Variants in C1QTNF3 observed in about 807,000 individuals in gnomAD.
C1QTNF3 encodes the protein C1q and TNF related 3.
C1QTNF3 carries 26 observed loss-of-function variants against 32.6 expected under a neutral mutation model. That is an observed-to-expected ratio of 0.80 (90% CI 0.58 to 1.11). The LOEUF is 1.11. C1QTNF3 is among the 50% of genes least tolerant of loss of function. The pLI, the probability that C1QTNF3 is intolerant of heterozygous loss-of-function variation, is 0.00. For missense variants in C1QTNF3, 362 were observed against 398.2 expected (o/e 0.91, Z 0.77); for synonymous variants, 155 against 146.0 (o/e 1.06, Z -0.44).
intron 4 of C1QTNF3, 112 bp from the exon 5 acceptor site, chr5:34,024,120 TGTAGTATG>T: frequency 1.3e-6 from 1 of 743,988 alleles, no homozygotes; most frequent in East Asian, 2.7e-5. Flanking sequence ...TGATATTCTT[TGTAGTATG>T]GTGTCTCTCC....
At position 34,042,911 on chromosome 5, in the gene C1QTNF3, G is replaced by C; in HGVS notation, c.215C>G (p.Thr72Ser). Residue 72 changes from threonine to serine, a missense_variant, in exon 1 of 6, where the codon ACT becomes AGT. Transcript: ENST00000382065. ...HPKTGTVDNNTSTDLKSLRPD... is the reference protein window; with the variant it reads ...HPKTGTVDNNSSTDLKSLRPD... The stretch of plus-strand genomic sequence containing the variant: ...TCTCAGGGATTTTAGGTCTGTAGAA[G>C]TGTTATTATCCACAGTCCCAGTTTT... 2 of 1,614,148 alleles carry C rather than the reference G, an allele frequency of 1.2e-6. No individual in the cohort carries two copies. Among genetic ancestry groups the C allele is most frequent in the Non-Finnish European group, 1.7e-6 (2 of 1,180,012 alleles).
the C1QTNF3 span, among the ~76,000 whole-genome samples, chr5:34,239,925 T>A: frequency 6.6e-6 from 1 of 151,914 alleles, no homozygotes; most frequent in Non-Finnish European, 1.5e-5. Flanking sequence ...AATGAAATCA[T>A]ATCAAGCACA....
At chr5:34,169,423 T>C in the C1QTNF3 span, among the ~76,000 whole-genome samples, 4 of 152,054 alleles carry the variant, frequency 2.6e-5, no homozygotes, top group South Asian at 4.1e-4. Context: ...TTTGAAGAAA[T>C]GTCTGTTCAA....
the C1QTNF3 span, among the ~76,000 whole-genome samples, chr5:34,207,421 A>G: frequency 2.0e-5 from 3 of 152,044 alleles, no homozygotes; most frequent in Admixed American, 1.3e-4. Flanking sequence ...ATCAGGTAAC[A>G]TGAGTGAGAA....
chr5:34,036,395 C>T (rs1754740121), intron 1 of C1QTNF3, among the ~76,000 whole-genome samples: 1 of 152,040 alleles, frequency 6.6e-6, no homozygotes, highest in Non-Finnish European at 1.5e-5. Flanking sequence ...ATATATTTAT[C>T]ACGTATAACA....
chr5:34,073,469 G>A, the C1QTNF3 span, among the ~76,000 whole-genome samples: 1 of 152,212 alleles, frequency 6.6e-6, no homozygotes, highest in Non-Finnish European at 1.5e-5. Flanking sequence ...TTAAGCAGGT[G>A]AGTGAAGATT....
the C1QTNF3 span, among the ~76,000 whole-genome samples, chr5:34,164,364 C>T: frequency 6.6e-6 from 1 of 152,100 alleles, no homozygotes; most frequent in African/African-American, 2.4e-5. Flanking sequence ...AAAACATCAT[C>T]TTTCACCTCA....
At chr5:34,091,112 T>C in the C1QTNF3 span, among the ~76,000 whole-genome samples, 1 of 151,996 alleles carries the variant, frequency 6.6e-6, no homozygotes, top group Admixed American at 6.6e-5. Context: ...GGTTGATAGG[T>C]TTTAGGAGAG....
the C1QTNF3 span, among the ~76,000 whole-genome samples, chr5:34,154,089 A>G: frequency 6.6e-5 from 10 of 152,020 alleles, no homozygotes; most frequent in African/African-American, 2.4e-4. Flanking sequence ...TCTAATACCA[A>G]TGAGAGTTGT....
At chr5:34,092,213 T>A in the C1QTNF3 span, among the ~76,000 whole-genome samples, 1 of 152,040 alleles carries the variant, frequency 6.6e-6, no homozygotes, top group Non-Finnish European at 1.5e-5. Context: ...AACTAATCTA[T>A]CTATTTGAGA....
chr5:34,192,538 G>C, the C1QTNF3 span: 45 of 712,844 alleles, frequency 6.3e-5, no homozygotes, highest in African/African-American at 7.2e-4. Context: ...AGACTGCCTG[G>C]GCCTAGTGGC....
chr5:34,024,093 C>T, intron 4 of C1QTNF3, 85 bp from the exon 5 acceptor site: 1 of 934,936 alleles, frequency 1.1e-6, no homozygotes, highest in Non-Finnish European at 1.7e-6. Flanking sequence ...TGCCAACTGC[C>T]TTCACATGTC....
At chr5:34,178,272 T>G in the C1QTNF3 span, among the ~76,000 whole-genome samples, 2 of 152,028 alleles carry the variant, frequency 1.3e-5, no homozygotes, top group Non-Finnish European at 2.9e-5. Context: ...CAACTGAAAC[T>G]CCTCCTCAAA....
chr5:34,197,038 G>A, the C1QTNF3 span, among the ~76,000 whole-genome samples: 1 of 152,304 alleles, frequency 6.6e-6, no homozygotes, highest in African/African-American at 2.4e-5. Flanking sequence ...TAGACAATAC[G>A]AAATAAATAT....
At chr5:34,197,846 G>C in the C1QTNF3 span, among the ~76,000 whole-genome samples, 2 of 152,098 alleles carry the variant, frequency 1.3e-5, no homozygotes, top group African/African-American at 4.8e-5. Flanking sequence ...AGGATTTGGT[G>C]TCTGGTCAGA....
the C1QTNF3 span, among the ~76,000 whole-genome samples, chr5:34,054,846 C>T: frequency 2.0e-5 from 3 of 152,272 alleles, no homozygotes; most frequent in East Asian, 3.9e-4. Context: ...CCATCTCCCC[C>T]TTTTCTCCCT....
chr5:34,063,926 G>A, the C1QTNF3 span, among the ~76,000 whole-genome samples: 17 of 152,246 alleles, frequency 1.1e-4, no homozygotes, highest in Admixed American at 3.3e-4. Context: ...AGGTAGGAGC[G>A]CATGCATGGG....
chr5:34,028,694 CTTAA>C (rs1754538241), intron 4 of C1QTNF3, 56 bp downstream of exon 4: 2 of 1,445,720 alleles, frequency 1.4e-6, no homozygotes, highest in Admixed American at 2.1e-5. Context: ...TCCTTCCTTC[CTTAA>C]TTGTCTTTAT....
At chr5:34,081,721 GA>G in the C1QTNF3 span, among the ~76,000 whole-genome samples, 2 of 151,466 alleles carry the variant, frequency 1.3e-5, no homozygotes, top group African/African-American at 4.9e-5. Context: ...TTTCTCTAGT[GA>G]AGCAGTTTTT....
Sources: allele counts gnomAD v4.1 joint callset (sites outside exome capture counted in the v4.1 genomes callset), GRCh38; gene constraint gnomAD v4.1.1; transcripts MANE v1.5; gene names NCBI Gene and HGNC (gene_info 2026-07-23, HGNC 2026-07-21).